RBBP8: variants seen among roughly 807,000 people sequenced by gnomAD.
The protein encoded by RBBP8 is RB binding protein 8, endonuclease.
RBBP8 carries 88 observed loss-of-function variants against 108.3 expected under a neutral mutation model. That is an observed-to-expected ratio of 0.81 (90% CI 0.68 to 0.97). The LOEUF is 0.97. Ranked by LOEUF, RBBP8 falls within the 50% of genes least tolerant of loss-of-function variation. The pLI, the probability that RBBP8 is intolerant of heterozygous loss-of-function variation, is 0.00. For synonymous variants in RBBP8, 332 were observed against 348.2 expected (o/e 0.95, Z 0.52); for missense variants, 1,023 against 1,049.0 (o/e 0.98, Z 0.34).
At chr18:23,025,208 T>C (rs571325707) in intron 18 of RBBP8, among the ~76,000 whole-genome samples, 4 of 152,160 alleles carry the variant, frequency 2.6e-5, no homozygotes, top group Non-Finnish European at 4.4e-5. Context: ...TGAGCCGTTA[T>C]TGCACCACTG....
chr18:22,960,932 A>G (rs943183800), intron 4 of RBBP8, among the ~76,000 whole-genome samples: 1 of 152,242 alleles, frequency 6.6e-6, no homozygotes, highest in Non-Finnish European at 1.5e-5. Flanking sequence ...TCCTTTGTAT[A>G]AAATGATCAT....
chr18:22,944,346 G>A (rs1055008393), intron 2 of RBBP8, among the ~76,000 whole-genome samples: 18 of 152,076 alleles, frequency 1.2e-4, no homozygotes, highest in African/African-American at 4.3e-4. Context: ...CTGTCTCATT[G>A]TTTCTTTTCT....
upstream of RBBP8, among the ~76,000 whole-genome samples, chr18:22,930,197 C>T (rs2144359304): frequency 6.6e-6 from 1 of 152,300 alleles, no homozygotes; most frequent in African/African-American, 2.4e-5. Flanking sequence ...ACCATTTTAA[C>T]TATTTCACTA....
At chr18:22,946,295 G>GA (rs1344111469) in intron 2 of RBBP8, 149 bp from the exon 3 acceptor site, 1 of 951,894 alleles carries the variant, frequency 1.1e-6, no homozygotes, top group African/African-American at 1.6e-5. Context: ...ATGCTTTTGT[G>GA]ACTGCAGAGT....
rs184088606 is a variant in RBBP8, at chr18:22,976,362, G to A, written c.428+1143G>A. 8.5e-4 allele frequency among the ~76,000 whole-genome samples: 130 copies of A among 152,212 alleles called. 3 individuals are homozygous for A. Among genetic ancestry groups the A allele is most frequent in the South Asian group, 3.9e-3 (19 of 4,820 alleles). On this transcript the variant is annotated intron_variant, in intron 6 of 18. Coordinates refer to ENST00000327155, the MANE Select transcript of RBBP8 (RefSeq NM_002894.3). ...GTCAACACTTTCTAATTTTAATAAT[G>A]CTGTATAATGAAGAGAGAACACAGG...
intron 3 of RBBP8, among the ~76,000 whole-genome samples, chr18:22,921,741 G>A (rs962786538): frequency 2.0e-5 from 3 of 152,194 alleles, no homozygotes; most frequent in Non-Finnish European, 4.4e-5. Flanking sequence ...ACTGAAACTT[G>A]ATCTTCTGTG....
chr18:22,938,002 T>A (rs934716734), intron 2 of RBBP8, among the ~76,000 whole-genome samples: 2 of 151,800 alleles, frequency 1.3e-5, no homozygotes, highest in African/African-American at 4.8e-5. Flanking sequence ...ATTTTATGTA[T>A]TTTTTGTAGA....
intron 2 of RBBP8, among the ~76,000 whole-genome samples, chr18:22,945,672 C>T (rs1373654014): frequency 2.6e-5 from 4 of 152,168 alleles, no homozygotes; most frequent in Non-Finnish European, 5.9e-5. Context: ...GCATGAATCA[C>T]CGTGCCCAGC....
chr18:22,997,016 C>G lies in RBBP8; in HGVS notation c.2028+554C>G, dbSNP rs114102217. Among the ~76,000 whole-genome samples, 813 of 152,236 alleles carry G rather than the reference C, an allele frequency of 5.3e-3. 8 individuals carry two copies. The highest frequency in any genetic ancestry group is 0.018 in the African/African-American group (765 of 41,524). The stretch of plus-strand genomic sequence containing the variant: ...CCCTGTCTCATAAATTAAAATAATG[C>G]AAAATGCTGCATATCTTATATAATT... On this transcript the variant is annotated intron_variant, in intron 13 of 18. Coordinates refer to ENST00000327155, the MANE Select transcript of RBBP8 (RefSeq NM_002894.3).
chr18:22,982,333 C>T lies in RBBP8; in HGVS notation c.544C>T (p.Pro182Ser). The change falls in exon 7 of 19, where the codon CCC (proline) becomes TCC (serine). Residue 182 changes from proline (P) to serine (S), a missense_variant. By Grantham distance (74) the Pro-to-Ser change is moderately conservative. Coordinates refer to ENST00000327155, the MANE Select transcript of RBBP8 (RefSeq NM_002894.3). ...TAACCGGCTACGAAGAAAGGAGAAC[C>T]CCCATGTCCGATACATAGAACAAAC... ...GVNRLRRKEN[P>S]HVRYIEQTHT... 6.2e-7 allele frequency: 1 copy of T among 1,614,174 alleles called. No homozygotes were observed. Among genetic ancestry groups the T allele is most frequent in the Admixed American group, 1.7e-5 (1 of 60,032 alleles).
intron 16 of RBBP8, among the ~76,000 whole-genome samples, chr18:23,012,207 CCAAAAAAAAAAAA>C (rs1181142944): frequency 1.2e-5 from 1 of 81,144 alleles, no homozygotes; most frequent in African/African-American, 4.7e-5. Context: ...GATGCTGTCT[CCAAAAAAAAAAAA>C]AAAAAAAAAA....
At chr18:22,975,007 A>G (rs1914398670) in intron 5 of RBBP8, 146 bp from the exon 6 acceptor site, 1 of 1,035,562 alleles carries the variant, frequency 9.7e-7, no homozygotes, top group Non-Finnish European at 1.4e-6. Flanking sequence ...AGTTTTGCGC[A>G]CACTAGTGTT....
At chr18:22,929,563 T>TGTGG (rs57048012), upstream of RBBP8, 2 of 148,864 alleles carry the variant, frequency 1.3e-5, no homozygotes, top group African/African-American at 2.5e-5. Flanking sequence ...TGTGTGTGTG[T>TGTGG]TTAAGAGACA....
At position 22,942,367 on chromosome 18, in the gene RBBP8, AATG is replaced by A. The variant is rs1254875633; in HGVS notation, c.110-4074_110-4072del. On this transcript the variant is annotated intron_variant, in intron 2 of 18. Coordinates refer to ENST00000327155, the MANE Select transcript of RBBP8 (RefSeq NM_002894.3). Reference sequence around the variant, plus strand: ...TGCCTCTTTTGCCAAAACATAATAAAATGATAGCAAAATATGACAGTATGTGCA... The same window carrying A: ...TGCCTCTTTTGCCAAAACATAATAAAATAGCAAAATATGACAGTATGTGCA... 2.6e-5 allele frequency among the ~76,000 whole-genome samples: 4 copies of A among 152,120 alleles called. 1 individual carries two copies. Among genetic ancestry groups the A allele is most frequent in the African/African-American group, 9.7e-5 (4 of 41,368 alleles).
At chr18:22,951,294 C>T (rs1383168346) in intron 4 of RBBP8, among the ~76,000 whole-genome samples, 1 of 152,142 alleles carries the variant, frequency 6.6e-6, no homozygotes, top group Non-Finnish European at 1.5e-5. Context: ...TTGAATAAGA[C>T]TTACATATCT....
intron 6 of RBBP8, among the ~76,000 whole-genome samples, chr18:22,976,564 A>G (rs1351508290): frequency 6.6e-6 from 1 of 152,124 alleles, no homozygotes; most frequent in Admixed American, 6.5e-5. Context: ...TTACAGGATG[A>G]TGCTTCAGAC....
intron 1 of RBBP8, among the ~76,000 whole-genome samples, chr18:22,934,481 C>T (rs1307799130): frequency 6.6e-6 from 1 of 150,758 alleles, no homozygotes; most frequent in Non-Finnish European, 1.5e-5. Flanking sequence ...TTTATGTCTT[C>T]TTTTTTTTTC....
chr18:23,006,335 G>A (rs1239052318), intron 15 of RBBP8, 28 bp from the exon 16 acceptor site: 1 of 1,584,390 alleles, frequency 6.3e-7, no homozygotes, highest in Admixed American at 1.7e-5. Context: ...TCTACATTTA[G>A]TTTGTAATGT....
At chr18:22,973,122 T>TAGGC (rs1914240344) in intron 5 of RBBP8, among the ~76,000 whole-genome samples, 1 of 152,240 alleles carries the variant, frequency 6.6e-6, no homozygotes, top group African/African-American at 2.4e-5. Context: ...GGGCAACTAT[T>TAGGC]AGGCACCTTT....
Sources: allele counts gnomAD v4.1 joint callset (sites outside exome capture counted in the v4.1 genomes callset), GRCh38; gene constraint gnomAD v4.1.1; transcripts MANE v1.5; gene names NCBI Gene and HGNC (gene_info 2026-07-23, HGNC 2026-07-21).